The following IL1RAPL1 variants were observed in gnomAD, a reference collection of about 807,000 sequenced individuals.
IL1RAPL1 encodes interleukin-1 receptor accessory protein-like 1.
A neutral mutation model predicts 48.4 loss-of-function variants in IL1RAPL1; 3 were observed. That is an observed-to-expected ratio of 0.06 (90% CI 0.03 to 0.16). IL1RAPL1 has a LOEUF of 0.16. Among genes scored for constraint, IL1RAPL1 ranks in the 10% least tolerant of loss-of-function variants. The pLI is 1.00. For synonymous variants in IL1RAPL1, 185 were observed against 187.7 expected (o/e 0.99, Z 0.12); for missense variants, 349 against 530.6 (o/e 0.66, Z 3.36).
intron 1 of IL1RAPL1, among the ~76,000 whole-genome samples, chrX:28,660,636 T>C (rs1304043194): frequency 1.8e-5 from 2 of 111,829 alleles, no homozygotes; most frequent in Non-Finnish European, 3.8e-5. Flanking sequence ...CTAGGTACTT[T>C]GAGAATTAAG....
chrX:29,290,237 G>A (rs1445754652), intron 3 of IL1RAPL1, among the ~76,000 whole-genome samples: 2 of 111,606 alleles, frequency 1.8e-5, no homozygotes, highest in Non-Finnish European at 3.8e-5. Flanking sequence ...GAGTAGCCCC[G>A]TTCCTCTTAA....
At chrX:29,807,414 A>G (rs1930279176) in intron 6 of IL1RAPL1, among the ~76,000 whole-genome samples, 1 of 108,791 alleles carries the variant, frequency 9.2e-6, no homozygotes, top group African/African-American at 3.3e-5. Flanking sequence ...CAGGAGATTG[A>G]AACCAGCCTG....
At chrX:28,880,836 G>A (rs1436234292) in intron 2 of IL1RAPL1, among the ~76,000 whole-genome samples, 1 of 110,989 alleles carries the variant, frequency 9.0e-6, no homozygotes, top group Non-Finnish European at 1.9e-5. Flanking sequence ...CCCAATCATG[G>A]GTAAGCTAGC....
chrX:29,323,568 G>A (rs187509141), intron 3 of IL1RAPL1, among the ~76,000 whole-genome samples: 77 of 100,866 alleles, frequency 7.6e-4, no homozygotes, highest in African/African-American at 2.7e-3. Context: ...CCATGCTTCC[G>A]TCCCAGTTCC....
intron 6 of IL1RAPL1, among the ~76,000 whole-genome samples, chrX:29,902,614 C>T (rs181681726): frequency 1.8e-5 from 2 of 110,492 alleles, no homozygotes; most frequent in African/African-American, 6.6e-5. Context: ...TATATATCAT[C>T]ACTTACAGTA....
intron 4 of IL1RAPL1, 104 bp from the exon 5 acceptor site, chrX:29,399,051 C>T (rs186500754): frequency 1.7e-6 from 1 of 589,509 alleles, no homozygotes; most frequent in East Asian, 3.4e-5. Flanking sequence ...ACTTTTTAGT[C>T]CCTTTAAAAT....
chrX:29,365,164 G>T (rs1933434237), intron 3 of IL1RAPL1, among the ~76,000 whole-genome samples: 1 of 111,417 alleles, frequency 9.0e-6, no homozygotes, highest in African/African-American at 3.3e-5. Context: ...GACTTAGATG[G>T]GTGGTGCTCA....
intron 5 of IL1RAPL1, among the ~76,000 whole-genome samples, chrX:29,474,482 G>T (rs1934953253): frequency 8.9e-6 from 1 of 111,901 alleles, no homozygotes; most frequent in African/African-American, 3.3e-5. Context: ...CCATTCTTGT[G>T]TTGCTATAAA....
chrX:29,655,048 A>G (rs1306355132), intron 5 of IL1RAPL1, among the ~76,000 whole-genome samples: 1 of 111,577 alleles, frequency 9.0e-6, no homozygotes, highest in Non-Finnish European at 1.9e-5. Flanking sequence ...TATCATAATG[A>G]GAGCCTCAAA....
At chrX:29,493,087 G>C (rs1291350655) in intron 5 of IL1RAPL1, among the ~76,000 whole-genome samples, 10 of 111,882 alleles carry the variant, frequency 8.9e-5, no homozygotes, top group Non-Finnish European at 1.9e-4. Context: ...CACTACTGAA[G>C]AAATCACTAA....
intron 5 of IL1RAPL1, among the ~76,000 whole-genome samples, chrX:29,472,727 T>G (rs1228652225): frequency 1.8e-5 from 2 of 111,955 alleles, no homozygotes; most frequent in African/African-American, 6.5e-5. Context: ...ACTTAACCTT[T>G]CTGTGTCTGT....
At chrX:29,198,191 TAC>T (rs1444808767) in intron 2 of IL1RAPL1, among the ~76,000 whole-genome samples, 1 of 111,820 alleles carries the variant, frequency 8.9e-6, no homozygotes, top group African/African-American at 3.3e-5. Flanking sequence ...TTAATAAGGA[TAC>T]ACACAGAATC....
intron 2 of IL1RAPL1, among the ~76,000 whole-genome samples, chrX:28,805,626 A>C (rs950012253): frequency 1.8e-5 from 2 of 111,181 alleles, no homozygotes; most frequent in Admixed American, 1.9e-4. Flanking sequence ...GTATACCTAC[A>C]TGCATACACA....
At chrX:29,323,385 GT>G (rs757927809) in intron 3 of IL1RAPL1, among the ~76,000 whole-genome samples, 10 of 103,607 alleles carry the variant, frequency 9.7e-5, no homozygotes, top group African/African-American at 2.1e-4. Context: ...ACATGTGCTA[GT>G]TTTTTTTTTA....
intron 6 of IL1RAPL1, among the ~76,000 whole-genome samples, chrX:29,880,544 G>A (rs919568242): frequency 8.9e-6 from 1 of 111,793 alleles, no homozygotes. Context: ...TCGTTTTATG[G>A]CAACATCCAA....
chrX:29,430,350 G>A (rs756287998), intron 5 of IL1RAPL1, among the ~76,000 whole-genome samples: 6 of 111,051 alleles, frequency 5.4e-5, no homozygotes, highest in African/African-American at 1.6e-4. Context: ...ATGTTTCATC[G>A]AAAAATAATT....
At chrX:28,958,085 A>G (rs1924664848) in intron 2 of IL1RAPL1, among the ~76,000 whole-genome samples, 1 of 111,911 alleles carries the variant, frequency 8.9e-6, no homozygotes, top group Non-Finnish European at 1.9e-5. Flanking sequence ...GGAGCCAGTT[A>G]TCATATGCGT....
At chrX:29,052,323 C>G (rs1055996270) in intron 2 of IL1RAPL1, among the ~76,000 whole-genome samples, 15 of 111,163 alleles carry the variant, frequency 1.3e-4, no homozygotes, top group African/African-American at 4.9e-4. Flanking sequence ...TAACCATCAA[C>G]AAATCCTCTT....
At chrX:29,587,494 A>C (rs997601513) in intron 5 of IL1RAPL1, among the ~76,000 whole-genome samples, 4 of 111,341 alleles carry the variant, frequency 3.6e-5, no homozygotes, top group African/African-American at 1.3e-4. Flanking sequence ...TATTAACAAT[A>C]TTCTTGAAAA....
Sources: gnomAD v4.1 joint callset for allele counts (sites outside exome capture counted in the v4.1 genomes callset) on GRCh38, gnomAD v4.1.1 for gene constraint, MANE v1.5 for transcripts, NCBI Gene and HGNC (gene_info 2026-07-23, HGNC 2026-07-21) for gene names.